The following ZNF701 variants were observed in gnomAD, a reference collection of about 807,000 sequenced individuals.
ZNF701 encodes zinc finger protein 701.
Under a neutral mutation model 7.1 loss-of-function variants are expected in ZNF701, and 6 were observed. The observed-to-expected ratio is 0.84, with a 90% confidence interval of 0.46 to 1.66. ZNF701 has a LOEUF of 1.66. ZNF701 is among the 40% of genes most tolerant of loss of function. ZNF701 has a pLI of 0.01. For missense variants in ZNF701, 541 were observed against 559.2 expected (o/e 0.97, Z 0.33); for synonymous variants, 166 against 188.2 (o/e 0.88, Z 0.97).
At chr19:52,592,657 T>G in the ZNF701 span, among the ~76,000 whole-genome samples, 2 of 152,230 alleles carry the variant, frequency 1.3e-5, no homozygotes, top group African/African-American at 4.8e-5. Context: ...TGTCGTGATC[T>G]CAGCTCATTG....
At chr19:52,571,258 G>T (rs2059897052) in intron 1 of ZNF701, among the ~76,000 whole-genome samples, 2 of 150,322 alleles carry the variant, frequency 1.3e-5, no homozygotes, top group South Asian at 4.2e-4. Flanking sequence ...GAGAGAGGAG[G>T]AATTTGGAGC....
chr19:52,582,172 T>C (rs753687484), intron 3 of ZNF701, 30 bp from the exon 4 acceptor site: 4 of 1,527,820 alleles, frequency 2.6e-6, no homozygotes, highest in Non-Finnish European at 3.5e-6. Flanking sequence ...CGTACTTAAT[T>C]TGAAACCTAT....
At chr19:52,574,348 T>A (rs162831) in intron 2 of ZNF701, among the ~76,000 whole-genome samples, 186 bp downstream of exon 2, 3 of 151,850 alleles carry the variant, frequency 2.0e-5, no homozygotes, top group African/African-American at 4.8e-5. Flanking sequence ...TGACATGAAC[T>A]TGGGAAGAGG....
intron 1 of ZNF701, among the ~76,000 whole-genome samples, chr19:52,571,981 A>G (rs1249923980): frequency 1.2e-4 from 18 of 151,934 alleles, no homozygotes; most frequent in Non-Finnish European, 2.4e-4. Flanking sequence ...GTGCCACCAC[A>G]CCAGGCTAAT....
In ZNF701 at chr19:52,578,849, C is replaced by A. The variant is rs189412155; in HGVS notation, c.142+2828C>A. 1.8e-3 allele frequency among the ~76,000 whole-genome samples: 274 copies of A among 152,208 alleles called. 2 individuals carry two copies. Among genetic ancestry groups the A allele is most frequent in the African/African-American group, 5.6e-3 (233 of 41,540 alleles). On this transcript the variant is annotated intron_variant, in intron 3 of 3. Coordinates refer to ENST00000391785, the MANE Select transcript of ZNF701 (RefSeq NM_018260.3). The stretch of plus-strand genomic sequence containing the variant: ...CTCGGCTCACTGCAAGCTCCACCTC[C>A]CGGGTTCACGCCATTCTCCTGCCTC...
chr19:52,595,604 T>G, the ZNF701 span: 1 of 1,081,654 alleles, frequency 9.2e-7, no homozygotes, highest in South Asian at 1.5e-5. Context: ...CTATTGGTCT[T>G]TATATTTTTT....
intron 3 of ZNF701, among the ~76,000 whole-genome samples, chr19:52,577,270 T>C (rs1478212256): frequency 2.6e-5 from 4 of 152,068 alleles, no homozygotes; most frequent in African/African-American, 7.2e-5. Flanking sequence ...CAGCTAATTT[T>C]TGTGTTTTTA....
At chr19:52,581,109 G>A (rs1015220647) in intron 3 of ZNF701, among the ~76,000 whole-genome samples, 5 of 151,970 alleles carry the variant, frequency 3.3e-5, no homozygotes, top group African/African-American at 1.2e-4. Flanking sequence ...GTGACAGAGT[G>A]AGACTCCATC....
the ZNF701 span, among the ~76,000 whole-genome samples, chr19:52,600,009 T>C: frequency 1.3e-5 from 2 of 152,212 alleles, no homozygotes; most frequent in African/African-American, 4.8e-5. Context: ...GACTGATTAG[T>C]GTTTATCTTG....
chr19:52,578,818 T>C (rs147584514), intron 3 of ZNF701, among the ~76,000 whole-genome samples: 6,030 of 152,120 alleles, frequency 0.04, 148 homozygotes, highest in African/African-American at 0.071. Context: ...AGTGCAGTGG[T>C]GCGATCTCGG....
Position 52,584,355 on chromosome 19 carries a change from C to G in ZNF701, c.*898C>G, listed in dbSNP as rs1330989248. ...TAAGAGGATTGGGCCAGGCGTGTGGCTCACGCCTGTAAATCCAGCACTTTA... is the reference window on the plus strand; with the variant it reads ...TAAGAGGATTGGGCCAGGCGTGTGGGTCACGCCTGTAAATCCAGCACTTTA... On this transcript the variant is annotated 3_prime_UTR_variant, in exon 4 of 4. Coordinates refer to ENST00000391785, the MANE Select transcript of ZNF701 (RefSeq NM_018260.3). 1.2e-5 allele frequency: 2 copies of G among 168,334 alleles called. No homozygotes were observed. Among genetic ancestry groups the G allele is most frequent in the African/African-American group, 2.4e-5 (1 of 41,584 alleles). The allele number at this position is 168,334 out of a possible 1,614,324, so 10.4% of individuals were successfully genotyped here. A position where few individuals can be genotyped will look rare whatever the true frequency, so the allele number is the denominator to read the frequency against.
chr19:52,591,574 C>T (rs192629334), downstream of ZNF701, among the ~76,000 whole-genome samples: 10 of 152,242 alleles, frequency 6.6e-5, no homozygotes, highest in South Asian at 8.3e-4. Flanking sequence ...CTGCAACCTT[C>T]GCCTCTGGGG....
chr19:52,582,146 A>G, intron 3 of ZNF701, 56 bp from the exon 4 acceptor site: 1 of 1,408,648 alleles, frequency 7.1e-7, no homozygotes, highest in Non-Finnish European at 9.6e-7. Context: ...TACACATTTC[A>G]GTATTGTATA....
chr19:52,590,983 G>A (rs1316905352), downstream of ZNF701, among the ~76,000 whole-genome samples: 3 of 151,956 alleles, frequency 2.0e-5, no homozygotes, highest in African/African-American at 7.3e-5. Context: ...GGGACTACAG[G>A]CACGCACCAC....
the ZNF701 span, chr19:52,597,000 C>T: frequency 9.1e-7 from 1 of 1,098,778 alleles, no homozygotes; most frequent in South Asian, 1.2e-5. Context: ...TGTAGGGAAA[C>T]TTTGCAAATG....
chr19:52,596,723 T>C, the ZNF701 span: 2 of 502,998 alleles, frequency 4.0e-6, no homozygotes. Flanking sequence ...TGGAAAGACC[T>C]TTGCTCAAAA....
At chr19:52,594,514 T>TG in the ZNF701 span, among the ~76,000 whole-genome samples, 38,235 of 146,388 alleles carry the variant, frequency 0.26, 4,896 homozygotes, top group African/African-American at 0.32. Context: ...TTTTTTTTGT[T>TG]TTTTGTTTTT....
the ZNF701 span, among the ~76,000 whole-genome samples, chr19:52,598,483 G>T: frequency 6.6e-6 from 1 of 152,152 alleles, no homozygotes; most frequent in Admixed American, 6.5e-5. Flanking sequence ...GTTGCCGCGG[G>T]CACTGGCAAT....
chr19:52,593,259 A>T, the ZNF701 span, among the ~76,000 whole-genome samples: 2 of 117,826 alleles, frequency 1.7e-5, 1 homozygote, highest in East Asian at 4.4e-4. Context: ...CAAAACCGCC[A>T]TTGTCATCAT....
Sources: gnomAD v4.1 joint callset for allele counts (sites outside exome capture counted in the v4.1 genomes callset) on GRCh38, gnomAD v4.1.1 for gene constraint, MANE v1.5 for transcripts, NCBI Gene and HGNC (gene_info 2026-07-23, HGNC 2026-07-21) for gene names.